WDPCP: variants seen among roughly 807,000 people sequenced by gnomAD.
WDPCP encodes WD repeat-containing and planar cell polarity effector protein fritz homolog.
WDPCP carries 71 observed loss-of-function variants against 93.1 expected under a neutral mutation model. The ratio of observed to expected loss-of-function variants is 0.76; its 90% CI spans 0.63 to 0.93. WDPCP has a LOEUF of 0.93. Ranked by LOEUF, WDPCP falls within the 40% of genes least tolerant of loss-of-function variation. The probability of loss-of-function intolerance (pLI) is 0.00; values close to 1 mark genes in which losing one functional copy is unlikely to be tolerated. For synonymous variants in WDPCP, 315 were observed against 315.0 expected, an observed-to-expected ratio of 1.00 and a Z score of 0.00; for missense variants, 844 against 887.4, an observed-to-expected ratio of 0.95 and a Z score of 0.62.
At chr2:63,335,628 A>G (rs1159876080) in intron 12 of WDPCP, among the ~76,000 whole-genome samples, 1 of 152,132 alleles carries the variant, frequency 6.6e-6, no homozygotes, top group Non-Finnish European at 1.5e-5. Context: ...TTGCTGGTGT[A>G]GAAAAATGCT....
intron 1 of WDPCP, among the ~76,000 whole-genome samples, chr2:63,560,947 G>A (rs916606493): frequency 3.9e-5 from 6 of 152,140 alleles, no homozygotes; most frequent in African/African-American, 9.7e-5. Context: ...AAACCTGCAC[G>A]TTGTGCACAT....
At chr2:63,126,666 G>GTTTT (rs763749429) in intron 17 of WDPCP, among the ~76,000 whole-genome samples, 44 of 98,102 alleles carry the variant, frequency 4.5e-4, no homozygotes, top group South Asian at 7.5e-4. Context: ...CTTGTTTTGT[G>GTTTT]TTTTTTTTTT....
At position 63,339,909 on chromosome 2, in the gene WDPCP, T is replaced by C. The variant is rs557932383; in HGVS notation, c.1749-26598A>G. On this transcript the variant is annotated intron_variant, in intron 12 of 17. Coordinates refer to ENST00000272321, the MANE Select transcript of WDPCP (RefSeq NM_015910.7). Reference sequence around the variant, plus strand: ...GAGGGTTTTCAATCATAAAGGTATATTGAATTTTATCAAATGCTTTTTTTT... The same window carrying C: ...GAGGGTTTTCAATCATAAAGGTATACTGAATTTTATCAAATGCTTTTTTTT... 2.6e-5 allele frequency among the ~76,000 whole-genome samples: 4 copies of C among 152,340 alleles called. No homozygotes were observed. The South Asian group carries it at 6.2e-4, about 24-fold the overall frequency.
upstream of WDPCP, among the ~76,000 whole-genome samples, chr2:63,831,290 A>G (rs561541830): frequency 2.4e-4 from 36 of 152,278 alleles, no homozygotes; most frequent in South Asian, 4.2e-4. Context: ...CTCCAAACTT[A>G]TATCTTGTCT....
intron 14 of WDPCP, among the ~76,000 whole-genome samples, chr2:63,176,163 C>A (rs769942199): frequency 6.6e-6 from 1 of 152,142 alleles, no homozygotes; most frequent in Non-Finnish European, 1.5e-5. Flanking sequence ...ATTTGCATTT[C>A]TCTAATAAGT....
chr2:63,333,623 A>G (rs1302306781), intron 12 of WDPCP, among the ~76,000 whole-genome samples: 2 of 152,236 alleles, frequency 1.3e-5, no homozygotes, highest in Admixed American at 1.3e-4. Flanking sequence ...ATTGTCAACT[A>G]GAAAATGTTT....
intron 13 of WDPCP, among the ~76,000 whole-genome samples, chr2:63,287,261 G>A (rs892053295): frequency 2.6e-5 from 4 of 151,570 alleles, no homozygotes; most frequent in African/African-American, 7.3e-5. Context: ...CTGGGGAAGG[G>A]TGGATATAAT....
chr2:63,812,447 C>A (rs536785341), intron 2 of WDPCP, among the ~76,000 whole-genome samples: 38 of 152,288 alleles, frequency 2.5e-4, no homozygotes, highest in African/African-American at 7.7e-4. Context: ...ATTGCTGGGT[C>A]ATATGATGGT....
chr2:63,533,341 G>T (rs935669025), intron 1 of WDPCP, among the ~76,000 whole-genome samples: 16 of 152,108 alleles, frequency 1.1e-4, no homozygotes, highest in Non-Finnish European at 2.1e-4. Flanking sequence ...CCTGAACACA[G>T]TTCTGCACCA....
At chr2:63,448,433 C>A (rs1309602091) in intron 6 of WDPCP, among the ~76,000 whole-genome samples, 9 of 71,798 alleles carry the variant, frequency 1.3e-4, no homozygotes, top group African/African-American at 1.9e-4. Context: ...ATTAAAAATA[C>A]ATCAACACAC....
intron 12 of WDPCP, among the ~76,000 whole-genome samples, chr2:63,359,188 A>T (rs1690250395): frequency 6.6e-6 from 1 of 152,014 alleles, no homozygotes; most frequent in South Asian, 2.1e-4. Flanking sequence ...ACCATAATCC[A>T]ATCACAACAT....
At chr2:63,148,079 T>C (rs1428162280) in intron 17 of WDPCP, among the ~76,000 whole-genome samples, 1 of 152,142 alleles carries the variant, frequency 6.6e-6, no homozygotes, top group African/African-American at 2.4e-5. Context: ...GGTATGGAAC[T>C]TCCTAGAAGG....
chr2:63,578,874 G>T (rs74398079), intron 1 of WDPCP, among the ~76,000 whole-genome samples: 467 of 152,202 alleles, frequency 3.1e-3, no homozygotes, highest in African/African-American at 0.011. Flanking sequence ...TTCTTAATGA[G>T]GCTCAAATAA....
chr2:63,760,831 T>C (rs1245171005), intron 2 of WDPCP, among the ~76,000 whole-genome samples: 2 of 152,188 alleles, frequency 1.3e-5, no homozygotes, highest in Non-Finnish European at 1.5e-5. Flanking sequence ...GGTACATGTA[T>C]GAGTTCTTCA....
intron 3 of WDPCP, chr2:63,622,066 CTT>C (rs33925505): frequency 0.24 from 123,586 of 521,156 alleles, 2,793 homozygotes; most frequent in Middle Eastern, 0.28. Flanking sequence ...TTTCTTTTTT[CTT>C]TTTTTTTTTT....
chr2:63,490,087 T>A (rs1700787426), intron 2 of WDPCP, among the ~76,000 whole-genome samples: 2 of 145,840 alleles, frequency 1.4e-5, no homozygotes, highest in Non-Finnish European at 1.5e-5. Context: ...TTCAAAAATA[T>A]TAAGGTCATG....
At chr2:63,463,290 T>C (rs2105768040) in intron 6 of WDPCP, among the ~76,000 whole-genome samples, 1 of 152,224 alleles carries the variant, frequency 6.6e-6, no homozygotes, top group Non-Finnish European at 1.5e-5. Context: ...AAGATTTGGC[T>C]GTGTAATAAT....
At chr2:63,144,457 T>C (rs1302002058) in intron 17 of WDPCP, among the ~76,000 whole-genome samples, 4 of 152,250 alleles carry the variant, frequency 2.6e-5, no homozygotes, top group Non-Finnish European at 5.9e-5. Context: ...GGTTTCGCCA[T>C]GTTGGCCAGA....
At chr2:63,266,905 C>T (rs558982129) in intron 13 of WDPCP, among the ~76,000 whole-genome samples, 5 of 152,154 alleles carry the variant, frequency 3.3e-5, no homozygotes, top group South Asian at 4.2e-4. Flanking sequence ...GTTCATACTA[C>T]CCAAAGTAAT....
Sources: allele counts gnomAD v4.1 joint callset (sites outside exome capture counted in the v4.1 genomes callset), GRCh38; gene constraint gnomAD v4.1.1; transcripts MANE v1.5; gene names NCBI Gene and HGNC (gene_info 2026-07-23, HGNC 2026-07-21).